PDE4D: variants seen among roughly 807,000 people sequenced by gnomAD.
PDE4D encodes phosphodiesterase 4D.
PDE4D carries 24 observed loss-of-function variants against 87.4 expected under a neutral mutation model. That is an observed-to-expected ratio of 0.27 (90% CI 0.20 to 0.39). The LOEUF (loss-of-function observed/expected upper bound fraction) is 0.39, where lower values mean the gene tolerates loss of function less well. PDE4D is among the 10% of genes least tolerant of loss of function. The pLI is 1.00. For missense variants in PDE4D, 714 were observed against 1,041.0 expected, an observed-to-expected ratio of 0.69 and a Z score of 4.32; for synonymous variants, 384 against 383.2, an observed-to-expected ratio of 1.00 and a Z score of -0.02.
intron 3 of PDE4D, among the ~76,000 whole-genome samples, chr5:59,944,395 C>T (rs1300947422): frequency 6.6e-6 from 1 of 151,276 alleles, no homozygotes; most frequent in Non-Finnish European, 1.5e-5. Context: ...TGTTTTGAGA[C>T]GGAGTCTCGC....
Position 58,989,932 on chromosome 5 carries a change from A to C in PDE4D, c.1288-13T>G. On this transcript the variant is annotated splice_polypyrimidine_tract_variant and intron_variant, in intron 9 of 14. Coordinates refer to ENST00000340635, the MANE Select transcript of PDE4D (RefSeq NM_001104631.2). The stretch of plus-strand genomic sequence containing the variant: ...ATAAATCCCGTTCCTGTAGGAAAAA[A>C]AATCATCTTAACATTTTTGTCTTTA... 1 of 1,462,278 alleles carries C rather than the reference A, an allele frequency of 6.8e-7. No homozygotes were observed. Among genetic ancestry groups the C allele is most frequent in the Non-Finnish European group, 9.4e-7 (1 of 1,060,336 alleles). The allele number at this position is 1,462,278 out of a possible 1,614,324, so 90.6% of individuals were successfully genotyped here. A position where few individuals can be genotyped will look rare whatever the true frequency, so the allele number is the denominator to read the frequency against.
chr5:59,424,268 G>A (rs1794896858), intron 1 of PDE4D, among the ~76,000 whole-genome samples: 1 of 152,170 alleles, frequency 6.6e-6, no homozygotes, highest in Non-Finnish European at 1.5e-5. Flanking sequence ...TTTTTACCCA[G>A]AAGTAGGGAG....
rs533087264 is a variant in PDE4D, at chr5:59,873,014, T to C, written c.455+20154A>G. Among the ~76,000 whole-genome samples the C allele has an allele frequency of 1.2e-4, 18 of 152,342 alleles. No individual in the cohort carries two copies. The South Asian group carries it at 2.5e-3, about 21-fold the overall frequency. ...AATGGCTATGTCTAACCAGATACTC[T>C]GCATTTACATTGTGAAAGGTACCTT... On this transcript the variant is annotated intron_variant, in intron 1 of 14. Coordinates refer to ENST00000340635, the MANE Select transcript of PDE4D (RefSeq NM_001104631.2).
intron 2 of PDE4D, among the ~76,000 whole-genome samples, chr5:60,047,841 G>A (rs1432521246): frequency 6.6e-6 from 1 of 152,046 alleles, no homozygotes; most frequent in African/African-American, 2.4e-5. Context: ...TGTATATTCT[G>A]TTGATTTGGG....
chr5:59,244,339 A>C (rs1758309354), intron 1 of PDE4D, among the ~76,000 whole-genome samples: 1 of 152,024 alleles, frequency 6.6e-6, no homozygotes, highest in African/African-American at 2.4e-5. Context: ...CGTAGGTTTC[A>C]GTGAGCCAAG....
chr5:60,493,583 ATCATTCATTCATTCAT>A (rs56333350), intron 1 of PDE4D, among the ~76,000 whole-genome samples: 159 of 149,668 alleles, frequency 1.1e-3, no homozygotes, highest in African/African-American at 2.9e-3. Flanking sequence ...TCTATACACA[ATCATTCATTCATTCAT>A]TCATTCATTC....
intron 1 of PDE4D, among the ~76,000 whole-genome samples, chr5:59,505,873 A>G (rs1278819373): frequency 6.6e-6 from 1 of 152,112 alleles, no homozygotes; most frequent in Non-Finnish European, 1.5e-5. Context: ...ATGTAGGGAG[A>G]TATCTGTCAT....
intron 1 of PDE4D, among the ~76,000 whole-genome samples, chr5:59,408,217 G>C (rs938166194): frequency 6.6e-6 from 1 of 152,328 alleles, no homozygotes; most frequent in Non-Finnish European, 1.5e-5. Context: ...TCAGGAGGCT[G>C]CTCCTTGCAT....
At chr5:60,421,560 G>A (rs572824822) in intron 1 of PDE4D, among the ~76,000 whole-genome samples, 1 of 152,250 alleles carries the variant, frequency 6.6e-6, no homozygotes, top group South Asian at 2.1e-4. Flanking sequence ...AAAGACCAAA[G>A]GTTGATAAAA....
intron 1 of PDE4D, among the ~76,000 whole-genome samples, chr5:59,689,145 A>G: frequency 6.6e-6 from 1 of 152,182 alleles, no homozygotes; most frequent in Admixed American, 6.5e-5. Context: ...AGAGATACAA[A>G]AAGGAGCTGG....
intron 3 of PDE4D, among the ~76,000 whole-genome samples, chr5:59,948,012 A>C (rs536774516): frequency 1.1e-4 from 16 of 152,332 alleles, no homozygotes; most frequent in African/African-American, 3.6e-4. Context: ...GTCTCAAAAA[A>C]AGAGTAGCTC....
chr5:60,446,547 C>G (rs986925563), intron 1 of PDE4D, among the ~76,000 whole-genome samples: 1 of 152,046 alleles, frequency 6.6e-6, no homozygotes, highest in Non-Finnish European at 1.5e-5. Context: ...TACTACCTAC[C>G]ATAGCTAGAC....
At chr5:59,820,754 A>G (rs1206460736) in intron 1 of PDE4D, among the ~76,000 whole-genome samples, 2 of 152,190 alleles carry the variant, frequency 1.3e-5, no homozygotes, top group Non-Finnish European at 2.9e-5. Context: ...CTCAACTCCC[A>G]ATATATATCT....
chr5:59,510,038 A>G (rs1810015430), intron 1 of PDE4D, among the ~76,000 whole-genome samples: 1 of 150,206 alleles, frequency 6.7e-6, no homozygotes, highest in Non-Finnish European at 1.5e-5. Context: ...TAGGTACTAT[A>G]CAAATATCTC....
chr5:60,382,305 T>A (rs956265087), intron 1 of PDE4D, among the ~76,000 whole-genome samples: 1 of 152,182 alleles, frequency 6.6e-6, no homozygotes, highest in Non-Finnish European at 1.5e-5. Flanking sequence ...TATTTCTATA[T>A]GTTTATTTGC....
chr5:59,741,484 T>C (rs1056580655), intron 1 of PDE4D, among the ~76,000 whole-genome samples: 10 of 152,178 alleles, frequency 6.6e-5, no homozygotes, highest in Non-Finnish European at 1.3e-4. Context: ...ATTGTACTAT[T>C]GACATTTTGG....
intron 1 of PDE4D, among the ~76,000 whole-genome samples, chr5:60,465,450 A>G (rs1007787128): frequency 6.6e-6 from 1 of 152,190 alleles, no homozygotes; most frequent in African/African-American, 2.4e-5. Context: ...AAAGTTTGGA[A>G]GGATGTGCAT....
chr5:59,018,885 C>T (rs1754547569), intron 6 of PDE4D, among the ~76,000 whole-genome samples: 1 of 151,716 alleles, frequency 6.6e-6, no homozygotes, highest in South Asian at 2.1e-4. Flanking sequence ...ACAGATGAGC[C>T]TTAAGGTCTT....
chr5:60,025,326 T>C (rs1766511309), intron 2 of PDE4D, among the ~76,000 whole-genome samples: 1 of 152,158 alleles, frequency 6.6e-6, no homozygotes, highest in African/African-American at 2.4e-5. Flanking sequence ...ATAGTTTGAA[T>C]CAAAGACATT....
Sources: gnomAD v4.1 joint callset for allele counts (sites outside exome capture counted in the v4.1 genomes callset) on GRCh38, gnomAD v4.1.1 for gene constraint, MANE v1.5 for transcripts, NCBI Gene and HGNC (gene_info 2026-07-23, HGNC 2026-07-21) for gene names.